Variants in KLF18 observed in about 807,000 individuals in gnomAD.
KLF18 encodes Kruppel-like factor 18.
Position 44,140,295 on chromosome 1 carries a change from TCTCC to T in KLF18, c.1333_1336del (p.Gly445SerfsTer3). ...GTTACTAGTGGAGGTCATCACTTGC[TCTCC>T]ACAGAGGTTCTGGTTACCAGTGGAG... On this transcript the variant is annotated frameshift_variant, in exon 1 of 2. Coordinates refer to ENST00000634670, the MANE Select transcript of KLF18 (RefSeq NM_001358438.1). LOFTEE classifies it high-confidence loss of function. 2.6e-5 allele frequency: 8 copies of T among 302,732 alleles called. No individual in the cohort carries two copies. The South Asian group carries it at 1.5e-3, about 55-fold the overall frequency. The allele number at this position is 302,732 out of a possible 1,614,324, so 18.8% of individuals were successfully genotyped here.
chr1:44,141,256 A>G lies in KLF18; in HGVS notation c.376T>C (p.Ser126Pro), dbSNP rs1643237606. The change falls in exon 1 of 2, where the codon TCA becomes CCA. Residue 126 changes from serine to proline, a missense_variant. Ser to Pro is a moderately conservative substitution (Grantham distance 74, BLOSUM62 -1). Transcript: ENST00000634670. ...GTCTTCTGGCAATCAGTGGGTGATG[A>G]CTTTGGGGTGACAGTAACATCTGTC... ...QMTDVTVTPK[S>P]SPTDCQKTTI... 2.5e-6 allele frequency: 1 copy of G among 398,444 alleles called. No homozygotes were observed. The highest frequency in any genetic ancestry group is 2.1e-5 in the African/African-American group (1 of 48,564). 24.7% of individuals were successfully genotyped at this position (398,444 alleles called of 1,614,324 possible). A position where few individuals can be genotyped will look rare whatever the true frequency, so the allele number is the denominator to read the frequency against.
At position 44,141,250 on chromosome 1, in the gene KLF18, G is replaced by T; in HGVS notation, c.382C>A (p.Pro128Thr). The change falls in exon 1 of 2, where the codon CCC (proline) becomes ACC (threonine). Residue 128 changes from proline to threonine, a missense_variant. Physicochemically the swap from Pro to Thr is conservative, Grantham distance 38. Transcript: ENST00000634670. Reference protein sequence around the residue: ...TDVTVTPKSSPTDCQKTTITA... With the variant: ...TDVTVTPKSSTTDCQKTTITA... ...ATGGTTGTCTTCTGGCAATCAGTGG[G>T]TGATGACTTTGGGGTGACAGTAACA... is the stretch of plus-strand genomic sequence containing the variant. The T allele has an allele frequency of 2.5e-6, 1 of 398,650 alleles. No individual in the cohort carries two copies. Among genetic ancestry groups the T allele is most frequent in the East Asian group, 3.6e-5 (1 of 28,076 alleles). The allele number at this position is 398,650 out of a possible 1,614,324, so 24.7% of individuals were successfully genotyped here.
Position 44,138,129 on chromosome 1 carries a change from A to T in KLF18, c.2969-118T>A, listed in dbSNP as rs2485650. The T allele has an allele frequency of 1.7e-3, 692 of 397,146 alleles. 8 individuals carry two copies. The highest frequency in any genetic ancestry group is 0.013 in the African/African-American group (634 of 48,606). 24.6% of individuals were successfully genotyped at this position (397,146 alleles called of 1,614,324 possible). On this transcript the variant is annotated intron_variant, in intron 1 of 1. Coordinates refer to ENST00000634670, the MANE Select transcript of KLF18 (RefSeq NM_001358438.1). ...TTGGAGTGGGAGAGGGAGAGCCAGA[A>T]GAGACGGGAGTGGTGGAGGTGAGTG... is the stretch of plus-strand genomic sequence containing the variant.
rs146393077 is a variant in KLF18, at chr1:44,137,932, T to C, written c.3048A>G (p.Lys1016=). ...GGTAGGGCCTTTCCCCAGTGTGCCT[T>C]TTCTTGTGTCTGTTGAGCTCATCTG... ...ARSDELNRHK[K]RHTGERPYLC... Residue 1016 remains lysine, a synonymous_variant, in exon 2 of 2, where the codon AAA becomes AAG. Coordinates refer to ENST00000634670, the MANE Select transcript of KLF18 (RefSeq NM_001358438.1). The C allele has an allele frequency of 2.3e-5, 9 of 398,734 alleles. No individual in the cohort carries two copies. The highest frequency in any genetic ancestry group is 3.5e-5 in the Non-Finnish European group (8 of 226,172). The allele number at this position is 398,734 out of a possible 1,614,324, so 24.7% of individuals were successfully genotyped here.
Position 44,140,977 on chromosome 1 carries a change from G to GGTCTAGACTGGTT in KLF18, c.642_654dup (p.Leu219AsnfsTer15), listed in dbSNP as rs1553173094. Reference sequence around the variant, plus strand: ...GAAGTCATCATTTGCCCTCCATAGAGGTCTAGACTGGTTGTCATTTGGCCC... The same window carrying GGTCTAGACTGGTT: ...GAAGTCATCATTTGCCCTCCATAGAGGTCTAGACTGGTTGTCTAGACTGGTTGTCATTTGGCCC... On this transcript the variant is annotated frameshift_variant, in exon 1 of 2. Coordinates refer to ENST00000634670, the MANE Select transcript of KLF18 (RefSeq NM_001358438.1). LOFTEE classifies it high-confidence loss of function. 2.5e-6 allele frequency: 1 copy of GGTCTAGACTGGTT among 398,672 alleles called. No homozygotes were observed. Among genetic ancestry groups the GGTCTAGACTGGTT allele is most frequent in the Non-Finnish European group, 4.4e-6 (1 of 226,232 alleles). The allele number at this position is 398,672 out of a possible 1,614,324, so 24.7% of individuals were successfully genotyped here.
chr1:44,140,742 G>T lies in KLF18; in HGVS notation c.890C>A (p.Ser297Tyr), dbSNP rs1258864702. ...QTLCGEQMTT[S>Y]TSNQTLCGEQ... ...CCCACAGAGGGTCTGGTTACTAGTG[G>T]AGGTTGTCATCTGCTCTCCACAGAG... is the stretch of plus-strand genomic sequence containing the variant. Residue 297 changes from serine (S) to tyrosine (Y), a missense_variant, in exon 1 of 2, where the codon TCC becomes TAC. Coordinates refer to ENST00000634670, the MANE Select transcript of KLF18 (RefSeq NM_001358438.1). 1.0e-5 allele frequency: 4 copies of T among 398,194 alleles called. No individual in the cohort carries two copies. The highest frequency in any genetic ancestry group is 1.8e-5 in the Non-Finnish European group (4 of 226,064). 24.7% of individuals were successfully genotyped at this position (398,194 alleles called of 1,614,324 possible).
In KLF18 at chr1:44,138,969, T is replaced by C; in HGVS notation, c.2663A>G (p.Asn888Ser). ...YGGQMATYSG[N>S]QTLYGDQMLT... ...CATCTGGTCCCCATAGAGGGTCTGGTTGCCACTATATGTTGCCATCTGGCC... is the reference window on the plus strand; with the variant it reads ...CATCTGGTCCCCATAGAGGGTCTGGCTGCCACTATATGTTGCCATCTGGCC... Residue 888 changes from asparagine (N) to serine (S), a missense_variant, in exon 1 of 2, where the codon AAC becomes AGC. Transcript: ENST00000634670. 1 of 398,776 alleles carries C rather than the reference T, an allele frequency of 2.5e-6. No individual in the cohort carries two copies. Among genetic ancestry groups the C allele is most frequent in the Non-Finnish European group, 4.4e-6 (1 of 226,190 alleles). The allele number at this position is 398,776 out of a possible 1,614,324, so 24.7% of individuals were successfully genotyped here.
At chr1:44,138,568 T>A (rs1446147403) in intron 1 of KLF18, 96 bp downstream of exon 1, 3 of 397,192 alleles carry the variant, frequency 7.6e-6, no homozygotes, top group Non-Finnish European at 1.3e-5. Context: ...ATTTTTTGAA[T>A]CCCTGGCTTA....
At position 44,141,176 on chromosome 1, in the gene KLF18, G is replaced by T. The variant is rs1643237147; in HGVS notation, c.456C>A (p.Thr152=). 1 of 398,568 alleles carries T rather than the reference G, an allele frequency of 2.5e-6. No homozygotes were observed. The highest frequency in any genetic ancestry group is 3.6e-5 in the East Asian group (1 of 28,074). The allele number at this position is 398,568 out of a possible 1,614,324, so 24.7% of individuals were successfully genotyped here. ...TISNESSQLN[T]PSSDQTLNES... ...CATTGAGGGTCTGGTCACTGCTTGG[G>T]GTGTTCAGCTGGCTACTTTCATTGG... The change falls in exon 1 of 2, where the codon ACC becomes ACA. Residue 152 remains threonine (T), a synonymous_variant. Coordinates refer to ENST00000634670, the MANE Select transcript of KLF18 (RefSeq NM_001358438.1).
chr1:44,139,192 T>G lies in KLF18; in HGVS notation c.2440A>C (p.Thr814Pro), dbSNP rs1275940730. 2 of 394,420 alleles carry G rather than the reference T, an allele frequency of 5.1e-6. No individual in the cohort carries two copies. The highest frequency in any genetic ancestry group is 4.3e-5 in the African/African-American group (2 of 46,926). The allele number at this position is 394,420 out of a possible 1,614,324, so 24.4% of individuals were successfully genotyped here. The change falls in exon 1 of 2, where the codon ACC becomes CCC. Residue 814 changes from threonine to proline, a missense_variant. Thr to Pro is a conservative substitution (Grantham distance 38, BLOSUM62 -1). Coordinates refer to ENST00000634670, the MANE Select transcript of KLF18 (RefSeq NM_001358438.1). ...NQALYRGQIT[T>P]STSNQTLCGE... ...CAGAGGGTCTGGTTACTAGTGGAGG[T>G]CGTGATCTGCCCCCTGTAGAGGGCC...
rs773581481 is a variant in KLF18, at chr1:44,141,521, G to T, written c.111C>A (p.Asn37Lys). 33 of 398,528 alleles carry T rather than the reference G, an allele frequency of 8.3e-5. No individual in the cohort carries two copies. The Middle Eastern group carries it at 1.9e-3, about 23-fold the overall frequency. 24.7% of individuals were successfully genotyped at this position (398,528 alleles called of 1,614,324 possible). A position where few individuals can be genotyped will look rare whatever the true frequency, so the allele number is the denominator to read the frequency against. Residue 37 changes from asparagine (N) to lysine (K), a missense_variant, in exon 1 of 2, where the codon AAC becomes AAA. By Grantham distance (94) the Asn-to-Lys change is moderately conservative. Transcript: ENST00000634670. ...AETPDAPEPQ[N>K]CMPLTAHAEE... ...CAGCATGGGCAGTCAGAGGCATACA[G>T]TTCTGTGGTTCTGGTGCATCTGGGG...
rs200192506 is a variant in KLF18, at chr1:44,139,488, G to A, written c.2144C>T (p.Thr715Met). 181 of 384,478 alleles carry A rather than the reference G, an allele frequency of 4.7e-4. 4 individuals are homozygous for A. The East Asian group carries it at 6.0e-3, about 13-fold the overall frequency. 23.8% of individuals were successfully genotyped at this position (384,478 alleles called of 1,614,324 possible). Residue 715 changes from threonine to methionine, a missense_variant, in exon 1 of 2, where the codon ACG becomes ATG. Coordinates refer to ENST00000634670, the MANE Select transcript of KLF18 (RefSeq NM_001358438.1). ...GAGGGCCTGGTTACCAGTGGAGGTC[G>A]TCACCTGCTCCCCACAGAGGGTCTG... Reference protein sequence around the residue: ...SNQTLCGEQVTTSTGNQALYG... With the variant: ...SNQTLCGEQVMTSTGNQALYG...
In KLF18 at chr1:44,141,035, T is replaced by C. The variant is rs1643235648; in HGVS notation, c.597A>G (p.Thr199=). 7.5e-6 allele frequency: 3 copies of C among 398,602 alleles called. No homozygotes were observed. Among genetic ancestry groups the C allele is most frequent in the Non-Finnish European group, 8.8e-6 (2 of 226,160 alleles). The allele number at this position is 398,602 out of a possible 1,614,324, so 24.7% of individuals were successfully genotyped here. A position where few individuals can be genotyped will look rare whatever the true frequency, so the allele number is the denominator to read the frequency against. Residue 199 remains threonine, a synonymous_variant, in exon 1 of 2, where the codon ACA becomes ACG. Coordinates refer to ENST00000634670, the MANE Select transcript of KLF18 (RefSeq NM_001358438.1). ...SSDQTLTDGH[T]VTSGSDETLS... is the part of the protein sequence containing the mutation. Reference sequence around the variant, plus strand: ...GGGTCTCATCGCTACCGGAAGTCACTGTATGACCATCAGTGAGGGTCTGGT... The same window carrying C: ...GGGTCTCATCGCTACCGGAAGTCACCGTATGACCATCAGTGAGGGTCTGGT...
chr1:44,140,030 G>A lies in KLF18; in HGVS notation c.1602C>T (p.Thr534=), dbSNP rs957304470. ...NQALYGGQMT[T]STSNQTLCGE... is the part of the protein sequence containing the mutation. Reference sequence around the variant, plus strand: ...CACAGAGGGTCTGGTTACTAGTAGAGGTTGTCATCTGCCCCCCGTAGAGGG... The same window carrying A: ...CACAGAGGGTCTGGTTACTAGTAGAAGTTGTCATCTGCCCCCCGTAGAGGG... The change falls in exon 1 of 2, where the codon ACC becomes ACT. Residue 534 remains threonine (T), a synonymous_variant. Coordinates refer to ENST00000634670, the MANE Select transcript of KLF18 (RefSeq NM_001358438.1). 1 of 391,412 alleles carries A rather than the reference G, an allele frequency of 2.6e-6. No homozygotes were observed. Among genetic ancestry groups the A allele is most frequent in the Non-Finnish European group, 4.4e-6 (1 of 224,724 alleles). The allele number at this position is 391,412 out of a possible 1,614,324, so 24.2% of individuals were successfully genotyped here.
intron 1 of KLF18, among the ~76,000 whole-genome samples, chr1:44,138,291 A>T (rs909663889): frequency 1.3e-5 from 2 of 152,160 alleles, no homozygotes; most frequent in African/African-American, 4.8e-5. Flanking sequence ...AGTGGGGGGA[A>T]TAAGGAGGAT....
chr1:44,138,984 G>A lies in KLF18; in HGVS notation c.2648C>T (p.Ala883Val). The change falls in exon 1 of 2, where the codon GCA (alanine) becomes GTA (valine). Residue 883 changes from alanine (A) to valine (V), a missense_variant. By Grantham distance (64) the Ala-to-Val change is moderately conservative. Coordinates refer to ENST00000634670, the MANE Select transcript of KLF18 (RefSeq NM_001358438.1). ...GAGGGTCTGGTTGCCACTATATGTT[G>A]CCATCTGGCCTCCATAGAGGGCCTG... ...DNQALYGGQM[A>V]TYSGNQTLYG... 2.5e-6 allele frequency: 1 copy of A among 398,012 alleles called. No homozygotes were observed. Among genetic ancestry groups the A allele is most frequent in the Admixed American group, 4.4e-5 (1 of 22,650 alleles). The allele number at this position is 398,012 out of a possible 1,614,324, so 24.7% of individuals were successfully genotyped here. A position where few individuals can be genotyped will look rare whatever the true frequency, so the allele number is the denominator to read the frequency against.
In KLF18 at chr1:44,140,210, CT is replaced by C. The variant is rs1643224716; in HGVS notation, c.1421del (p.Glu474GlyfsTer3). 1 of 396,316 alleles carries C rather than the reference CT, an allele frequency of 2.5e-6. No individual in the cohort carries two copies. The highest frequency in any genetic ancestry group is 2.1e-5 in the African/African-American group (1 of 47,814). The allele number at this position is 396,316 out of a possible 1,614,324, so 24.5% of individuals were successfully genotyped here. A position where few individuals can be genotyped will look rare whatever the true frequency, so the allele number is the denominator to read the frequency against. ...TSTSNQTLCG[E>X]QVTTSTGNQA... ...GGTTACCAGTGGAGGTCGTCACCTGCTCCCCACAGAGGGTCTGGTTACTAGT... is the reference window on the plus strand; with the variant it reads ...GGTTACCAGTGGAGGTCGTCACCTGCCCCCACAGAGGGTCTGGTTACTAGT... On this transcript the variant is annotated frameshift_variant, in exon 1 of 2. Transcript: ENST00000634670. LOFTEE classifies it high-confidence loss of function.
Position 44,141,226 on chromosome 1 carries a change from T to C in KLF18, c.406A>G (p.Ile136Val). Reference protein sequence around the residue: ...SSPTDCQKTTITASNMTISNE... With the variant: ...SSPTDCQKTTVTASNMTISNE... ...GAGATTGTCATGTTGCTTGCAGTGA[T>C]GGTTGTCTTCTGGCAATCAGTGGGT... is the stretch of plus-strand genomic sequence containing the variant. The change falls in exon 1 of 2, where the codon ATC becomes GTC. Residue 136 changes from isoleucine to valine, a missense_variant. Ile to Val is a conservative substitution (Grantham distance 29, BLOSUM62 3). Coordinates refer to ENST00000634670, the MANE Select transcript of KLF18 (RefSeq NM_001358438.1). 1 of 398,724 alleles carries C rather than the reference T, an allele frequency of 2.5e-6. No homozygotes were observed. The highest frequency in any genetic ancestry group is 4.4e-6 in the Non-Finnish European group (1 of 226,148). The allele number at this position is 398,724 out of a possible 1,614,324, so 24.7% of individuals were successfully genotyped here.
chr1:44,141,217 T>C lies in KLF18; in HGVS notation c.415A>G (p.Ser139Gly), dbSNP rs1643237408. 2.5e-6 allele frequency: 1 copy of C among 398,740 alleles called. No individual in the cohort carries two copies. Among genetic ancestry groups the C allele is most frequent in the Non-Finnish European group, 4.4e-6 (1 of 226,158 alleles). The allele number at this position is 398,740 out of a possible 1,614,324, so 24.7% of individuals were successfully genotyped here. Residue 139 changes from serine (S) to glycine (G), a missense_variant, in exon 1 of 2, where the codon AGC becomes GGC. Physicochemically the swap from Ser to Gly is moderately conservative, Grantham distance 56. Transcript: ENST00000634670. The part of the protein sequence containing the change: ...TDCQKTTITA[S>G]NMTISNESSQ... ...CTTTCATTGGAGATTGTCATGTTGC[T>C]TGCAGTGATGGTTGTCTTCTGGCAA... is the stretch of plus-strand genomic sequence containing the variant.
Sources: allele counts gnomAD v4.1 joint callset (sites outside exome capture counted in the v4.1 genomes callset), GRCh38; gene constraint gnomAD v4.1.1; transcripts MANE v1.5; gene names NCBI Gene and HGNC (gene_info 2026-07-23, HGNC 2026-07-21).